Variants in COPS7B observed in about 807,000 individuals in gnomAD.
The protein encoded by COPS7B is COP9 signalosome complex subunit 7b.
A neutral mutation model predicts 33.4 loss-of-function variants in COPS7B; 9 were observed. The ratio of observed to expected loss-of-function variants is 0.27; its 90% confidence interval spans 0.16 to 0.47. The LOEUF (loss-of-function observed/expected upper bound fraction) is 0.47. Ranked by LOEUF, COPS7B falls within the 20% of genes least tolerant of loss-of-function variation. The probability of loss-of-function intolerance (pLI) is 0.99; values close to 1 mark genes in which losing one functional copy is unlikely to be tolerated. For missense variants in COPS7B, 242 were observed against 318.2 expected (o/e 0.76, Z 1.82); for synonymous variants, 119 against 126.3 (o/e 0.94, Z 0.39).
intron 6 of COPS7B, among the ~76,000 whole-genome samples, chr2:231,802,804 A>G (rs1301105329): frequency 1.3e-5 from 2 of 152,224 alleles, no homozygotes; most frequent in African/African-American, 4.8e-5. Flanking sequence ...ATCCCCTTCC[A>G]CTAGGAGAGT....
intron 6 of COPS7B, among the ~76,000 whole-genome samples, chr2:231,805,032 A>C (rs184714089): frequency 6.6e-6 from 1 of 152,274 alleles, no homozygotes; most frequent in East Asian, 1.9e-4. Flanking sequence ...TTTTCCTCCA[A>C]TGTCATCAAA....
upstream of COPS7B, chr2:231,781,911 A>C (rs1468587499): frequency 3.2e-6 from 5 of 1,543,886 alleles, no homozygotes; most frequent in African/African-American, 6.9e-5. Context: ...AAACAAAAAC[A>C]CTGATTAAAC....
intron 2 of COPS7B, chr2:231,788,997 A>G (rs565187094): frequency 1.6e-4 from 57 of 353,204 alleles, no homozygotes; most frequent in African/African-American, 1.1e-3. Context: ...CTGATAAATT[A>G]GAAAAGTAGT....
At chr2:231,805,232 T>C (rs2049856618) in intron 6 of COPS7B, among the ~76,000 whole-genome samples, 2 of 151,840 alleles carry the variant, frequency 1.3e-5, no homozygotes, top group South Asian at 4.2e-4. Flanking sequence ...TGATAAGCCA[T>C]TGGCTTGCTC....
At chr2:231,788,771 A>AGT in intron 2 of COPS7B, 39 bp downstream of exon 2, 1 of 1,580,452 alleles carries the variant, frequency 6.3e-7, no homozygotes, top group Non-Finnish European at 8.6e-7. Flanking sequence ...TTATTCTAAG[A>AGT]CTCTGTAATT....
At chr2:231,804,324 T>TTG (rs2049831433) in intron 6 of COPS7B, among the ~76,000 whole-genome samples, 1 of 151,770 alleles carries the variant, frequency 6.6e-6, no homozygotes, top group Admixed American at 6.6e-5. Flanking sequence ...CTTGGCTCAC[T>TTG]GCAAGCTCTG....
chr2:231,799,042 T>A, intron 6 of COPS7B, 78 bp downstream of exon 6: 1 of 1,348,720 alleles, frequency 7.4e-7, no homozygotes, highest in Non-Finnish European at 1.0e-6. Context: ...GTTTTTGTTT[T>A]GCGAATCTTG....
intron 2 of COPS7B, chr2:231,789,699 GACC>G (rs2049355730): frequency 6.6e-6 from 1 of 152,368 alleles, no homozygotes; most frequent in Non-Finnish European, 1.5e-5. Flanking sequence ...TCACCTTCAT[GACC>G]ACCACAACAC....
intron 3 of COPS7B, 89 bp from the exon 4 acceptor site, chr2:231,794,174 T>G: frequency 1.1e-6 from 1 of 926,910 alleles, no homozygotes; most frequent in Non-Finnish European, 1.7e-6. Flanking sequence ...AGTAGTAGAT[T>G]TGGTTTGGGG....
intron 1 of COPS7B, 63 bp downstream of exon 1, chr2:231,786,601 G>A (rs922930825): frequency 4.8e-6 from 4 of 825,062 alleles, no homozygotes; most frequent in Admixed American, 6.2e-5. Context: ...CAGACGATCC[G>A]GCTTAGAGCC....
chr2:231,786,836 C>G (rs1432607721), intron 1 of COPS7B, among the ~76,000 whole-genome samples: 1 of 152,226 alleles, frequency 6.6e-6, no homozygotes, highest in Non-Finnish European at 1.5e-5. Flanking sequence ...GCGCCCTCCC[C>G]TGACGGGAAT....
upstream of COPS7B, among the ~76,000 whole-genome samples, chr2:231,784,449 T>C (rs1410807199): frequency 6.6e-6 from 1 of 151,912 alleles, no homozygotes; most frequent in Non-Finnish European, 1.5e-5. Flanking sequence ...GCCACTGCAC[T>C]CCAGCCGCGG....
At chr2:231,798,677 C>T (rs1301487407) in intron 5 of COPS7B, among the ~76,000 whole-genome samples, 182 bp from the exon 6 acceptor site, 1 of 152,196 alleles carries the variant, frequency 6.6e-6, no homozygotes, top group Non-Finnish European at 1.5e-5. Flanking sequence ...TAATGTCCTG[C>T]ATTATGTATT....
At chr2:231,799,508 G>C (rs1206540307) in intron 6 of COPS7B, among the ~76,000 whole-genome samples, 7 of 152,234 alleles carry the variant, frequency 4.6e-5, no homozygotes, top group African/African-American at 1.4e-4. Flanking sequence ...AAATTTGGCA[G>C]ATGAGCTGCA....
At chr2:231,784,707 C>T (rs1217208645), upstream of COPS7B, among the ~76,000 whole-genome samples, 1 of 152,100 alleles carries the variant, frequency 6.6e-6, no homozygotes, top group Non-Finnish European at 1.5e-5. Flanking sequence ...GTGTTATGCT[C>T]CCTCCCTCTC....
chr2:231,803,197 T>C (rs2049797101), intron 6 of COPS7B, among the ~76,000 whole-genome samples: 1 of 151,994 alleles, frequency 6.6e-6, no homozygotes, highest in South Asian at 2.1e-4. Context: ...GGCAGATCAG[T>C]GTGGGCTGCA....
At chr2:231,800,281 A>G (rs772416411) in intron 6 of COPS7B, among the ~76,000 whole-genome samples, 5 of 152,242 alleles carry the variant, frequency 3.3e-5, no homozygotes, top group Non-Finnish European at 5.9e-5. Context: ...GTCCAAAGCA[A>G]AGACAATTAG....
upstream of COPS7B, chr2:231,781,961 T>G: frequency 7.0e-7 from 1 of 1,431,590 alleles, no homozygotes; most frequent in Non-Finnish European, 9.6e-7. Flanking sequence ...ATCGTGCTTG[T>G]TTGTTGGTCT....
upstream of COPS7B, among the ~76,000 whole-genome samples, chr2:231,785,678 G>T (rs1177397778): frequency 6.6e-6 from 1 of 152,168 alleles, no homozygotes; most frequent in African/African-American, 2.4e-5. Flanking sequence ...TCTAACGCAC[G>T]ATAGGCAAAT....
Sources: allele counts gnomAD v4.1 joint callset (sites outside exome capture counted in the v4.1 genomes callset), GRCh38; gene constraint gnomAD v4.1.1; transcripts MANE v1.5; gene names NCBI Gene and HGNC (gene_info 2026-07-23, HGNC 2026-07-21).